AKAP8: variants seen among roughly 807,000 people sequenced by gnomAD.
The protein encoded by AKAP8 is A-kinase anchoring protein 8.
AKAP8 carries 24 observed loss-of-function variants against 67.5 expected under a neutral mutation model. The ratio of observed to expected loss-of-function variants is 0.36; its 90% CI spans 0.26 to 0.50. AKAP8 has a LOEUF of 0.50. Ranked by LOEUF, AKAP8 falls within the 20% of genes least tolerant of loss-of-function variation. The pLI, the probability that AKAP8 is intolerant of heterozygous loss-of-function variation, is 0.97. For synonymous variants in AKAP8, 400 were observed against 371.1 expected (o/e 1.08, Z -0.90); for missense variants, 971 against 955.9 (o/e 1.02, Z -0.21).
At chr19:15,357,140 TA>T (rs1763301044) in intron 13 of AKAP8, among the ~76,000 whole-genome samples, 1 of 151,458 alleles carries the variant, frequency 6.6e-6, no homozygotes, top group Non-Finnish European at 1.5e-5. Context: ...TTTTTATTTT[TA>T]GTAGAGATGG....
At position 15,370,153 on chromosome 19, in the gene AKAP8, C is replaced by T. The variant is rs780444718; in HGVS notation, c.1065G>A (p.Arg355=). ...GGACACGGTGATGCCTACCTCTTTG[C>T]CTCCCAGAGTCGCAGAGTTCATCCT... ...KGEDELCDSG[R]QRGEKEDEDE... is the part of the protein sequence containing the mutation. Residue 355 remains arginine (R), a synonymous_variant, in exon 8 of 14, where the codon AGG becomes AGA. Coordinates refer to ENST00000269701, the MANE Select transcript of AKAP8 (RefSeq NM_005858.4). 31 of 1,614,056 alleles carry T rather than the reference C, an allele frequency of 1.9e-5. No individual in the cohort carries two copies. Among genetic ancestry groups the T allele is most frequent in the African/African-American group, 2.7e-5 (2 of 74,934 alleles).
chr19:15,361,349 C>CTT (rs34004834), intron 11 of AKAP8: 171 of 118,854 alleles, frequency 1.4e-3, no homozygotes, highest in South Asian at 5.8e-3. Flanking sequence ...CTTCATGCCA[C>CTT]TTTTTTTTTT....
chr19:15,362,373 C>G (rs533724185), intron 9 of AKAP8, 122 bp from the exon 10 acceptor site: 23 of 868,172 alleles, frequency 2.6e-5, no homozygotes, highest in South Asian at 1.5e-4. Flanking sequence ...CCCCCTCCCC[C>G]TCTCCCTCTC....
Position 15,361,841 on chromosome 19 carries a change from G to A in AKAP8, c.1303-19C>T, listed in dbSNP as rs1217795698. On this transcript the variant is annotated intron_variant, in intron 10 of 13. Transcript: ENST00000269701. ...TGTATTCCTAGGTGGGATTGGAGAGGGCATAAAGTAAAATGAGAGGTGGGC... is the reference window on the plus strand; with the variant it reads ...TGTATTCCTAGGTGGGATTGGAGAGAGCATAAAGTAAAATGAGAGGTGGGC... 16 of 1,601,584 alleles carry A rather than the reference G, an allele frequency of 1.0e-5. 1 individual carries two copies. Among genetic ancestry groups the A allele is most frequent in the South Asian group, 9.9e-5 (9 of 90,798 alleles).
At chr19:15,359,183 C>T (rs781193459) in intron 12 of AKAP8, 121 bp from the exon 13 acceptor site, 10 of 836,310 alleles carry the variant, frequency 1.2e-5, no homozygotes, top group Middle Eastern at 2.3e-4. Flanking sequence ...AATCTCAAAA[C>T]GCCAGCCTCC....
Position 15,372,352 on chromosome 19 carries a change from A to T in AKAP8, c.862-5T>A. The stretch of plus-strand genomic sequence containing the variant: ...GTCAAACCCTCTCCTCTTGGGCTAC[A>T]GACAACAAGCACACCCCATGAGCTA... On this transcript the variant is annotated splice_polypyrimidine_tract_variant and splice_region_variant and intron_variant, in intron 5 of 13. Coordinates refer to ENST00000269701, the MANE Select transcript of AKAP8 (RefSeq NM_005858.4). 1 of 1,614,174 alleles carries T rather than the reference A, an allele frequency of 6.2e-7. No homozygotes were observed. The highest frequency in any genetic ancestry group is 8.5e-7 in the Non-Finnish European group (1 of 1,179,998).
At position 15,372,857 on chromosome 19, in the gene AKAP8, C is replaced by G; in HGVS notation, c.855G>C (p.Arg285=). The G allele has an allele frequency of 6.7e-7, 1 of 1,500,558 alleles. No individual in the cohort carries two copies. 93.0% of individuals were successfully genotyped at this position (1,500,558 alleles called of 1,614,324 possible). A position where few individuals can be genotyped will look rare whatever the true frequency, so the allele number is the denominator to read the frequency against. The change falls in exon 5 of 14, where the codon CGG becomes CGC. Residue 285 remains arginine (R), a synonymous_variant. Transcript: ENST00000269701. ...CGRSQPRMRD[R]DRPKRRGFDR... Reference sequence around the variant, plus strand: ...GAACCTTGCGAGGGCTTACCCGATCCCGATCCCGCATCCGAGGCTGCGAGC... The same window carrying G: ...GAACCTTGCGAGGGCTTACCCGATCGCGATCCCGCATCCGAGGCTGCGAGC...
chr19:15,368,560 G>A (rs1052472001), intron 8 of AKAP8: 8 of 985,214 alleles, frequency 8.1e-6, no homozygotes, highest in Non-Finnish European at 8.4e-6. Context: ...CGGCCAGGAT[G>A]GGCTAGGGAC....
At chr19:15,372,117 C>T (rs1164798851) in intron 6 of AKAP8, 101 bp downstream of exon 6, 1 of 1,607,836 alleles carries the variant, frequency 6.2e-7, no homozygotes, top group Non-Finnish European at 8.5e-7. Flanking sequence ...TTGAAACATG[C>T]CACCTGCGAG....
intron 3 of AKAP8, among the ~76,000 whole-genome samples, 171 bp downstream of exon 3, chr19:15,374,432 C>T (rs1246301893): frequency 6.6e-6 from 1 of 152,196 alleles, no homozygotes; most frequent in Non-Finnish European, 1.5e-5. Context: ...AGGCCGCCCA[C>T]CACAGCCCTC....
chr19:15,374,842 G>A (rs1013309139), intron 2 of AKAP8, among the ~76,000 whole-genome samples: 1 of 152,160 alleles, frequency 6.6e-6, no homozygotes, highest in Non-Finnish European at 1.5e-5. Flanking sequence ...CCTCTATCCC[G>A]GGCAAGGCCA....
In AKAP8 at chr19:15,364,629, G is replaced by A. The variant is rs562321555; in HGVS notation, c.1161-2378C>T. On this transcript the variant is annotated intron_variant, in intron 9 of 13. Coordinates refer to ENST00000269701, the MANE Select transcript of AKAP8 (RefSeq NM_005858.4). ...CTCCCAAAGTGCTGGGATTAAAGGC[G>A]TGAGCCACCGCGCCCAGCCTATTTT... is the stretch of plus-strand genomic sequence containing the variant. 1.8e-4 allele frequency among the ~76,000 whole-genome samples: 27 copies of A among 152,216 alleles called. No homozygotes were observed. In the South Asian group the frequency reaches 4.8e-3, roughly 27 times the overall value.
intron 2 of AKAP8, among the ~76,000 whole-genome samples, chr19:15,376,747 G>C (rs1258758360): frequency 6.6e-6 from 1 of 152,196 alleles, no homozygotes; most frequent in South Asian, 2.1e-4. Flanking sequence ...TTGTCTGTAA[G>C]TAACTACTGG....
intron 9 of AKAP8, among the ~76,000 whole-genome samples, chr19:15,366,828 C>T (rs977319965): frequency 5.9e-5 from 9 of 151,870 alleles, no homozygotes; most frequent in African/African-American, 1.2e-4. Flanking sequence ...AGGCTGGTCT[C>T]GAACTCCCAA....
chr19:15,376,019 T>C (rs1258976340), intron 2 of AKAP8, among the ~76,000 whole-genome samples: 2 of 151,260 alleles, frequency 1.3e-5, no homozygotes, highest in Middle Eastern at 3.2e-3. Flanking sequence ...CAGCCTTACC[T>C]CCTGGGCTCA....
In AKAP8 at chr19:15,372,737, C is replaced by T. The variant is rs1273166483; in HGVS notation, c.861+114G>A. On this transcript the variant is annotated intron_variant, in intron 5 of 13. Coordinates refer to ENST00000269701, the MANE Select transcript of AKAP8 (RefSeq NM_005858.4). Reference sequence around the variant, plus strand: ...ACAATCCTGTAAATTAACTAAAAGTCGAACTGCGCACTTAAAAACATTTAA... The same window carrying T: ...ACAATCCTGTAAATTAACTAAAAGTTGAACTGCGCACTTAAAAACATTTAA... 60 of 1,336,746 alleles carry T rather than the reference C, an allele frequency of 4.5e-5. 1 individual carries two copies. The East Asian group carries it at 1.1e-3, about 24-fold the overall frequency. The allele number at this position is 1,336,746 out of a possible 1,614,324, so 82.8% of individuals were successfully genotyped here. A position where few individuals can be genotyped will look rare whatever the true frequency, so the allele number is the denominator to read the frequency against.
In AKAP8 at chr19:15,354,130, T is replaced by G. The variant is rs1237266632; in HGVS notation, c.*785A>C. 6.6e-6 allele frequency: 1 copy of G among 152,056 alleles called. No individual in the cohort carries two copies. The highest frequency in any genetic ancestry group is 2.4e-5 in the African/African-American group (1 of 41,416). The allele number at this position is 152,056 out of a possible 1,614,324, so 9.4% of individuals were successfully genotyped here. On this transcript the variant is annotated 3_prime_UTR_variant, in exon 14 of 14. Coordinates refer to ENST00000269701, the MANE Select transcript of AKAP8 (RefSeq NM_005858.4). ...TCCCGAAGTGCTGGGATTATAGGTA[T>G]GCATCACCGTGCCTGGCCAAATTCT...
chr19:15,368,423 G>A, intron 8 of AKAP8, 101 bp from the exon 9 acceptor site: 1 of 1,592,670 alleles, frequency 6.3e-7, no homozygotes, highest in Non-Finnish European at 8.5e-7. Flanking sequence ...CGCACCCTGT[G>A]CCCTGCCACT....
At chr19:15,356,825 G>A (rs1329615969) in intron 13 of AKAP8, among the ~76,000 whole-genome samples, 4 of 151,958 alleles carry the variant, frequency 2.6e-5, no homozygotes, top group East Asian at 1.9e-4. Context: ...GAGCAAGACT[G>A]TCTTAAAAAA....
Sources: allele counts gnomAD v4.1 joint callset (sites outside exome capture counted in the v4.1 genomes callset), GRCh38; gene constraint gnomAD v4.1.1; transcripts MANE v1.5; gene names NCBI Gene and HGNC (gene_info 2026-07-23, HGNC 2026-07-21).